The following DOK6 variants were observed in gnomAD, a reference collection of about 807,000 sequenced individuals.
The protein encoded by DOK6 is downstream of tyrosine kinase 6.
DOK6 carries 22 observed loss-of-function variants against 44.0 expected under a neutral mutation model. That is an observed-to-expected ratio of 0.50 (90% CI 0.36 to 0.71). DOK6 has a LOEUF of 0.71. Among genes scored for constraint, DOK6 ranks in the 30% least tolerant of loss-of-function variants. The probability of loss-of-function intolerance (pLI) is 0.00; values close to 1 mark genes in which losing one functional copy is unlikely to be tolerated. For synonymous variants in DOK6, 166 were observed against 145.5 expected (o/e 1.14, Z -1.01); for missense variants, 340 against 416.4 (o/e 0.82, Z 1.60).
In DOK6 at chr18:69,841,747, G is replaced by A. The variant is rs941046546; in HGVS notation, c.*364G>A. 1.4e-5 allele frequency: 3 copies of A among 215,620 alleles called. No individual in the cohort carries two copies. The highest frequency in any genetic ancestry group is 2.9e-5 in the Non-Finnish European group (3 of 104,540). The allele number at this position is 215,620 out of a possible 1,614,324, so 13.4% of individuals were successfully genotyped here. On this transcript the variant is annotated 3_prime_UTR_variant, in exon 8 of 8. Transcript: ENST00000382713. ...GGGCACCTCTCACTGACCTCACAGC[G>A]CAGTCCGCCCATCTGAGCACAGGGT... is the stretch of plus-strand genomic sequence containing the variant.
At position 69,843,533 on chromosome 18, in the gene DOK6, C is replaced by T. The variant is rs1007987039; in HGVS notation, c.*2150C>T. ...GGAACGGCCCTCAGGGGTCCTGGTTCACATCTCAGCTTTATTCATGTGCTG... is the reference window on the plus strand; with the variant it reads ...GGAACGGCCCTCAGGGGTCCTGGTTTACATCTCAGCTTTATTCATGTGCTG... On this transcript the variant is annotated 3_prime_UTR_variant, in exon 8 of 8. Coordinates refer to ENST00000382713, the MANE Select transcript of DOK6 (RefSeq NM_152721.6). 2 of 152,240 alleles carry T rather than the reference C, an allele frequency of 1.3e-5. No individual in the cohort carries two copies. Among genetic ancestry groups the T allele is most frequent in the Non-Finnish European group, 2.9e-5 (2 of 68,048 alleles). The allele number at this position is 152,240 out of a possible 1,614,324, so 9.4% of individuals were successfully genotyped here.
intron 1 of DOK6, among the ~76,000 whole-genome samples, chr18:69,512,332 C>CTTTTTTTTTTT (rs548031851): frequency 1.4e-4 from 13 of 91,690 alleles, no homozygotes; most frequent in East Asian, 7.2e-4. Flanking sequence ...CTTTCTTCTT[C>CTTTTTTTTTTT]TTTTTTTTTT....
intron 1 of DOK6, among the ~76,000 whole-genome samples, chr18:69,478,918 T>G (rs1980342792): frequency 6.6e-6 from 1 of 152,202 alleles, no homozygotes; most frequent in Non-Finnish European, 1.5e-5. Flanking sequence ...AGGTTTTCAG[T>G]TATAGAAAAA....
chr18:69,448,772 T>G (rs1203697549), intron 1 of DOK6, among the ~76,000 whole-genome samples: 1 of 152,238 alleles, frequency 6.6e-6, no homozygotes, highest in African/African-American at 2.4e-5. Context: ...GTTATATTTG[T>G]AAATAAATGT....
intron 2 of DOK6, among the ~76,000 whole-genome samples, chr18:69,585,917 C>T (rs757582867): frequency 3.9e-5 from 6 of 152,166 alleles, no homozygotes; most frequent in Non-Finnish European, 8.8e-5. Flanking sequence ...TAATCATAGC[C>T]TTGTATCTTT....
chr18:69,404,973 C>T (rs1305856583), intron 1 of DOK6, among the ~76,000 whole-genome samples: 3 of 152,110 alleles, frequency 2.0e-5, no homozygotes, highest in Non-Finnish European at 4.4e-5. Context: ...GAGAGTACAT[C>T]GGGCCAGTCA....
At chr18:69,793,403 T>C (rs1980655156) in intron 7 of DOK6, among the ~76,000 whole-genome samples, 2 of 152,146 alleles carry the variant, frequency 1.3e-5, no homozygotes, top group South Asian at 4.1e-4. Flanking sequence ...TGGCTAATGG[T>C]GAGATCAAGG....
At chr18:69,573,224 A>G (rs1380724924) in intron 2 of DOK6, among the ~76,000 whole-genome samples, 4 of 151,820 alleles carry the variant, frequency 2.6e-5, no homozygotes, top group African/African-American at 9.7e-5. Flanking sequence ...TCAGAAACAC[A>G]CATGCTCTAT....
intron 1 of DOK6, among the ~76,000 whole-genome samples, chr18:69,476,786 C>T (rs749505784): frequency 1.3e-5 from 2 of 152,202 alleles, no homozygotes; most frequent in Non-Finnish European, 2.9e-5. Context: ...TCCTTGCTTC[C>T]TCCCATCTCT....
At chr18:69,635,415 CT>C (rs1416223607) in intron 3 of DOK6, among the ~76,000 whole-genome samples, 1 of 152,116 alleles carries the variant, frequency 6.6e-6, no homozygotes, top group East Asian at 1.9e-4. Context: ...CTTTCCCTTT[CT>C]TACCTGTCCC....
intron 1 of DOK6, among the ~76,000 whole-genome samples, chr18:69,423,502 A>G (rs1178324233): frequency 6.6e-6 from 1 of 152,208 alleles, no homozygotes; most frequent in Admixed American, 6.5e-5. Context: ...AATAGACAGT[A>G]TCAGGTATTG....
At chr18:69,612,047 C>G (rs865868844) in intron 3 of DOK6, among the ~76,000 whole-genome samples, 1 of 152,118 alleles carries the variant, frequency 6.6e-6, no homozygotes, top group Non-Finnish European at 1.5e-5. Flanking sequence ...TTATACTGCT[C>G]TTTTGCAAAA....
chr18:69,609,931 AC>A (rs1408239350), intron 3 of DOK6, among the ~76,000 whole-genome samples: 1 of 152,226 alleles, frequency 6.6e-6, no homozygotes, highest in Non-Finnish European at 1.5e-5. Context: ...TCACAAAAAA[AC>A]AAATGCTGCA....
At chr18:69,687,460 T>C (rs1266131970) in intron 4 of DOK6, among the ~76,000 whole-genome samples, 1 of 152,162 alleles carries the variant, frequency 6.6e-6, no homozygotes, top group Non-Finnish European at 1.5e-5. Flanking sequence ...GGCAGGTGCA[T>C]AATTTTAAGT....
chr18:69,458,660 T>G (rs1276782335), intron 1 of DOK6, among the ~76,000 whole-genome samples: 1 of 152,182 alleles, frequency 6.6e-6, no homozygotes, highest in Non-Finnish European at 1.5e-5. Flanking sequence ...AAAATGCTAC[T>G]AGATCTGATA....
intron 5 of DOK6, among the ~76,000 whole-genome samples, chr18:69,723,141 A>G (rs554283805): frequency 1.7e-4 from 26 of 152,316 alleles, no homozygotes; most frequent in African/African-American, 6.0e-4. Flanking sequence ...TTTGCCTGCA[A>G]TGCTAACTAC....
At chr18:69,634,352 C>T (rs935655519) in intron 3 of DOK6, among the ~76,000 whole-genome samples, 1 of 152,088 alleles carries the variant, frequency 6.6e-6, no homozygotes, top group African/African-American at 2.4e-5. Flanking sequence ...TTTAAAGTAA[C>T]CCTACTCCCC....
At chr18:69,535,786 GA>G (rs1159910452) in intron 1 of DOK6, among the ~76,000 whole-genome samples, 1 of 151,714 alleles carries the variant, frequency 6.6e-6, no homozygotes, top group Non-Finnish European at 1.5e-5. Context: ...TGAAACTGTG[GA>G]TTTCAGAAAA....
chr18:69,725,550 C>T (rs556744426), intron 5 of DOK6, among the ~76,000 whole-genome samples: 5 of 152,180 alleles, frequency 3.3e-5, no homozygotes, highest in South Asian at 2.1e-4. Flanking sequence ...TGCAGTGGCA[C>T]GATCTCGGCT....
Sources: allele counts gnomAD v4.1 joint callset (sites outside exome capture counted in the v4.1 genomes callset), GRCh38; gene constraint gnomAD v4.1.1; transcripts MANE v1.5; gene names NCBI Gene and HGNC (gene_info 2026-07-23, HGNC 2026-07-21).